RDX: variants seen among roughly 807,000 people sequenced by gnomAD.
RDX encodes deafness, autosomal recessive 24.
RDX carries 32 observed loss-of-function variants against 83.7 expected under a neutral mutation model. The observed-to-expected ratio is 0.38, with a 90% confidence interval of 0.29 to 0.51. RDX has a LOEUF of 0.51. Among genes scored for constraint, RDX ranks in the 20% least tolerant of loss-of-function variants. The pLI, the probability that RDX is intolerant of heterozygous loss-of-function variation, is 0.87. For missense variants in RDX, 600 were observed against 689.9 expected (o/e 0.87, Z 1.46); for synonymous variants, 229 against 222.7 (o/e 1.03, Z -0.25).
intron 14 of RDX, among the ~76,000 whole-genome samples, chr11:110,219,604 G>A (rs529642436): frequency 6.6e-6 from 1 of 152,184 alleles, no homozygotes; most frequent in East Asian, 1.9e-4. Flanking sequence ...TTGAATGCTG[G>A]GCCAACAGAA....
At chr11:110,236,074 A>G in intron 12 of RDX, 25 bp downstream of exon 12, 6 of 1,494,700 alleles carry the variant, frequency 4.0e-6, no homozygotes, top group Non-Finnish European at 5.6e-6. Context: ...ATTCAATAAA[A>G]GCTAGTAAAT....
At chr11:110,187,852 G>A (rs59277890) in intron 15 of RDX, among the ~76,000 whole-genome samples, 8,859 of 152,260 alleles carry the variant, frequency 0.058, 862 homozygotes, top group African/African-American at 0.2. Flanking sequence ...AGCTTCTTCC[G>A]GTAACAAGGA....
intron 1 of RDX, among the ~76,000 whole-genome samples, chr11:110,282,537 T>A (rs909336845): frequency 6.6e-6 from 1 of 152,188 alleles, no homozygotes; most frequent in Non-Finnish European, 1.5e-5. Flanking sequence ...TATAAAAGTA[T>A]ATGTAAAACT....
chr11:110,200,869 G>C (rs1475797096), intron 14 of RDX, among the ~76,000 whole-genome samples: 1 of 152,110 alleles, frequency 6.6e-6, no homozygotes, highest in Non-Finnish European at 1.5e-5. Flanking sequence ...CAAAGACTTT[G>C]AAGGTTAGTC....
Position 110,179,531 on chromosome 11 carries a change from G to A in RDX, c.*32-4297C>T, listed in dbSNP as rs148063975. Among the ~76,000 whole-genome samples, 566 of 152,278 alleles carry A rather than the reference G, an allele frequency of 3.7e-3. 4 individuals are homozygous for A. Among genetic ancestry groups the A allele is most frequent in the Non-Finnish European group, 4.1e-3 (281 of 68,034 alleles). On this transcript the variant is annotated intron_variant, in intron 15 of 15. Transcript: ENST00000528498. ...CTCATGCCTGTAATCCCAGCACTTC[G>A]GAAGGCCGAGGTGGGCATATCACCT...
At chr11:110,266,237 G>T (rs1310375364) in intron 3 of RDX, among the ~76,000 whole-genome samples, 1 of 152,014 alleles carries the variant, frequency 6.6e-6, no homozygotes, top group Non-Finnish European at 1.5e-5. Context: ...GGAGGCAGAA[G>T]CAGGAGAATG....
chr11:110,255,776 A>G (rs1186418562), intron 7 of RDX, among the ~76,000 whole-genome samples: 1 of 152,188 alleles, frequency 6.6e-6, no homozygotes, highest in Non-Finnish European at 1.5e-5. Context: ...AAAGGCCTTT[A>G]TAACTTCTCA....
rs1864614623 is a variant in RDX at position 110,231,054 on chromosome 11, T to A, written c.*815A>T. The A allele has an allele frequency of 2.6e-5, 4 of 152,588 alleles. No individual in the cohort carries two copies. In the South Asian group the frequency reaches 8.3e-4, roughly 32 times the overall value. 9.5% of individuals were successfully genotyped at this position (152,588 alleles called of 1,614,324 possible). A position where few individuals can be genotyped will look rare whatever the true frequency, so the allele number is the denominator to read the frequency against. ...TCAGTCTATAAAAGAACAAAACTTT[T>A]AAAATCTTGCAGAGGCTGTTTCATC... On this transcript the variant is annotated 3_prime_UTR_variant, in exon 14 of 14. Transcript: ENST00000645495.
chr11:110,250,803 G>A (rs1344751155), intron 9 of RDX, among the ~76,000 whole-genome samples: 2 of 152,118 alleles, frequency 1.3e-5, no homozygotes, highest in Admixed American at 6.5e-5. Flanking sequence ...TGTGAGGCTC[G>A]TATCTCACAT....
intron 2 of RDX, among the ~76,000 whole-genome samples, chr11:110,273,997 T>A (rs142910184): frequency 1.4e-5 from 2 of 145,116 alleles, no homozygotes; most frequent in African/African-American, 5.0e-5. Flanking sequence ...ACTCACACTA[T>A]AAAAACTCTA....
chr11:110,263,185 G>C (rs1345421072), intron 5 of RDX: 1 of 151,488 alleles, frequency 6.6e-6, no homozygotes, highest in African/African-American at 2.4e-5. Context: ...TGAGGCAGGA[G>C]AATCACTTGA....
chr11:110,235,064 C>T (rs1296800829), intron 12 of RDX, among the ~76,000 whole-genome samples: 3 of 152,116 alleles, frequency 2.0e-5, no homozygotes, highest in South Asian at 4.1e-4. Context: ...TTAGAAATCT[C>T]GGTGTCAGCT....
chr11:110,264,120 A>G lies in RDX; in HGVS notation c.307T>C (p.Phe103Leu). 1 of 1,614,014 alleles carries G rather than the reference A, an allele frequency of 6.2e-7. No individual in the cohort carries two copies. The highest frequency in any genetic ancestry group is 8.5e-7 in the Non-Finnish European group (1 of 1,179,888). Reference protein sequence around the residue: ...LIQEITQRLFFLQVKEAILND... With the variant: ...LIQEITQRLFLLQVKEAILND... ...AAGATGGCTTCTTTAACTTGCAAGA[A>G]GAAGAGTCTCTGGGTTATTTCTTGA... Residue 103 changes from phenylalanine to leucine, a missense_variant, in exon 5 of 14, where the codon TTC (phenylalanine) becomes CTC (leucine). Coordinates refer to ENST00000645495, the MANE Select transcript of RDX (RefSeq NM_002906.4).
At chr11:110,226,572 T>C (rs1565301730), downstream of RDX, among the ~76,000 whole-genome samples, 1 of 152,116 alleles carries the variant, frequency 6.6e-6, no homozygotes, top group Non-Finnish European at 1.5e-5. Flanking sequence ...TACACAACAA[T>C]GTGAATGTAC....
At chr11:110,237,860 C>T in intron 10 of RDX, 1 of 629,952 alleles carries the variant, frequency 1.6e-6, no homozygotes, top group Admixed American at 2.1e-5. Flanking sequence ...CAGCCTCGAA[C>T]TCATGGGCTC....
downstream of RDX, among the ~76,000 whole-genome samples, chr11:110,224,714 T>C (rs1358863124): frequency 1.3e-5 from 2 of 152,128 alleles, no homozygotes; most frequent in Non-Finnish European, 2.9e-5. Flanking sequence ...CAGAAGAAAA[T>C]ACATTACCAC....
At chr11:110,291,010 T>G (rs1861219017) in intron 1 of RDX, among the ~76,000 whole-genome samples, 1 of 151,632 alleles carries the variant, frequency 6.6e-6, no homozygotes, top group African/African-American at 2.4e-5. Context: ...TGGGTGGGGG[T>G]AAAAAAAGGA....
intron 10 of RDX, among the ~76,000 whole-genome samples, chr11:110,245,389 C>T (rs1287966465): frequency 6.6e-6 from 1 of 152,140 alleles, no homozygotes; most frequent in Non-Finnish European, 1.5e-5. Flanking sequence ...ACCTTGATCA[C>T]ACCCACTGCA....
chr11:110,289,405 T>A (rs993389192), intron 1 of RDX, among the ~76,000 whole-genome samples: 1 of 152,180 alleles, frequency 6.6e-6, no homozygotes, highest in African/African-American at 2.4e-5. Context: ...ATGCTGCTTG[T>A]TGATTAGATA....
Sources: allele counts gnomAD v4.1 joint callset (sites outside exome capture counted in the v4.1 genomes callset), GRCh38; gene constraint gnomAD v4.1.1; transcripts MANE v1.5; gene names NCBI Gene and HGNC (gene_info 2026-07-23, HGNC 2026-07-21).